The following ZNF462 variants were observed in gnomAD, a reference collection of about 807,000 sequenced individuals.
The protein encoded by ZNF462 is zinc finger PBX1-interacting protein.
A neutral mutation model predicts 201.9 loss-of-function variants in ZNF462; 10 were observed. That is an observed-to-expected ratio of 0.05 (90% CI 0.03 to 0.08). The LOEUF is 0.08. Ranked by LOEUF, ZNF462 falls within the 10% of genes least tolerant of loss-of-function variation. ZNF462 has a pLI of 1.00. For missense variants in ZNF462, 2,523 were observed against 3,168.3 expected, an observed-to-expected ratio of 0.80 and a Z score of 4.89; for synonymous variants, 1,227 against 1,193.3, an observed-to-expected ratio of 1.03 and a Z score of -0.58.
intron 4 of ZNF462, among the ~76,000 whole-genome samples, chr9:106,931,398 G>A (rs1312169642): frequency 6.6e-6 from 1 of 152,194 alleles, no homozygotes; most frequent in Non-Finnish European, 1.5e-5. Context: ...TATTAAAACA[G>A]AAGTCATTTT....
At chr9:106,896,246 C>T (rs751602800) in intron 1 of ZNF462, among the ~76,000 whole-genome samples, 59 of 152,168 alleles carry the variant, frequency 3.9e-4, no homozygotes, top group Non-Finnish European at 7.1e-4. Flanking sequence ...ATACTAGCTA[C>T]GTAGTAGGCA....
At chr9:106,934,772 T>G (rs1234241179) in intron 5 of ZNF462, among the ~76,000 whole-genome samples, 1 of 152,206 alleles carries the variant, frequency 6.6e-6, no homozygotes, top group African/African-American at 2.4e-5. Flanking sequence ...TTTGGTAGAT[T>G]TATTATTTTT....
At chr9:106,973,284 G>A (rs112000036) in intron 8 of ZNF462, among the ~76,000 whole-genome samples, 3,413 of 152,184 alleles carry the variant, frequency 0.022, 43 homozygotes, top group African/African-American at 0.035. Flanking sequence ...CCGAGAGGCT[G>A]TGGAAATTAG....
At position 106,919,688 on chromosome 9, in the gene ZNF462, A is replaced by G. The variant is rs1365905859; in HGVS notation, c.-30-3666A>G. ...TAAGTAGTACTAAAGGCAGTGACTA[A>G]TTAGGATGGTTTAGGGGTTTCATGT... is the stretch of plus-strand genomic sequence containing the variant. On this transcript the variant is annotated intron_variant, in intron 1 of 12. Coordinates refer to ENST00000277225, the MANE Select transcript of ZNF462 (RefSeq NM_021224.6). This position sits in a 1 kb window ranked among gnomAD's most constrained non-coding sequence, Gnocchi z 4.5. 6.6e-6 allele frequency among the ~76,000 whole-genome samples: 1 copy of G among 152,230 alleles called. No homozygotes were observed. The highest frequency in any genetic ancestry group is 1.5e-5 in the Non-Finnish European group (1 of 68,034).
rs754650076 is a variant in ZNF462, at chr9:106,926,779, C to G, written c.2867C>G (p.Ala956Gly). 1 of 1,614,102 alleles carries G rather than the reference C, an allele frequency of 6.2e-7. No homozygotes were observed. The highest frequency in any genetic ancestry group is 8.5e-7 in the Non-Finnish European group (1 of 1,180,034). ...RMHPTVKINN[A>G]MIFSSYVVEQ... Reference sequence around the variant, plus strand: ...CATCCCACGGTGAAGATCAACAACGCGATGATATTTTCAAGCTATGTCGTG... The same window carrying G: ...CATCCCACGGTGAAGATCAACAACGGGATGATATTTTCAAGCTATGTCGTG... Residue 956 changes from alanine to glycine, a missense_variant, in exon 3 of 13, where the codon GCG becomes GGG. This residue lies in a region of ZNF462 where 280 missense variants were observed against 321.3 expected (regional missense o/e 0.87). Transcript: ENST00000277225. This position sits in a 1 kb window ranked among gnomAD's most constrained non-coding sequence, Gnocchi z 7.9.
In ZNF462 at chr9:107,006,364, A is replaced by G. The variant is rs1771420304; in HGVS notation, c.7189+2938A>G. On this transcript the variant is annotated intron_variant, in intron 11 of 12. Coordinates refer to ENST00000277225, the MANE Select transcript of ZNF462 (RefSeq NM_021224.6). The surrounding 1 kb of genome is among the most constrained non-coding windows in gnomAD (Gnocchi z 4.3). ...AAGTAAAAAACAAAACAAACAAACA[A>G]ACAACAACAAAAAATATAAACCCTG... is the stretch of plus-strand genomic sequence containing the variant. 6.6e-6 allele frequency among the ~76,000 whole-genome samples: 1 copy of G among 152,168 alleles called. No individual in the cohort carries two copies. Among genetic ancestry groups the G allele is most frequent in the African/African-American group, 2.4e-5 (1 of 41,426 alleles).
chr9:106,907,224 A>G (rs1246820158), intron 1 of ZNF462, among the ~76,000 whole-genome samples: 3 of 151,884 alleles, frequency 2.0e-5, no homozygotes, highest in African/African-American at 4.8e-5. Flanking sequence ...TCTAAGTGAC[A>G]TTTTTCTGCT....
chr9:106,901,079 TCCAGTTTCATTCTCCTACAAGTGGCTAA>T (rs1438919274), intron 1 of ZNF462, among the ~76,000 whole-genome samples: 1 of 152,176 alleles, frequency 6.6e-6, no homozygotes, highest in Non-Finnish European at 1.5e-5. Flanking sequence ...TAAGAGATGA[TCCAGTTTCATTCTCCTACAAGTGGCTAA>T]CCAGTTATCC....
rs530880330 is a variant in ZNF462, at chr9:107,009,233, T to A, written c.7190-312T>A. 3.2e-4 allele frequency: 105 copies of A among 326,626 alleles called. No individual in the cohort carries two copies. The highest frequency in any genetic ancestry group is 1.9e-3 in the African/African-American group (90 of 48,080). The allele number at this position is 326,626 out of a possible 1,614,324, so 20.2% of individuals were successfully genotyped here. A position where few individuals can be genotyped will look rare whatever the true frequency, so the allele number is the denominator to read the frequency against. On this transcript the variant is annotated intron_variant, in intron 11 of 12. Coordinates refer to ENST00000277225, the MANE Select transcript of ZNF462 (RefSeq NM_021224.6). This position sits in a 1 kb window ranked among gnomAD's most constrained non-coding sequence, Gnocchi z 6.1. ...AAGGGAGAGAATAAATCGGAAAAAA[T>A]AATGCTCAGATTCCTTTGGAATCTC... is the stretch of plus-strand genomic sequence containing the variant.
chr9:106,957,816 G>A (rs563651783), intron 7 of ZNF462, among the ~76,000 whole-genome samples: 1 of 152,110 alleles, frequency 6.6e-6, no homozygotes, highest in Non-Finnish European at 1.5e-5. Context: ...ATAGAGCAAA[G>A]GGTGGCTGAT....
chr9:106,941,382 T>C (rs1830863210), intron 7 of ZNF462, among the ~76,000 whole-genome samples: 1 of 152,190 alleles, frequency 6.6e-6, no homozygotes. Flanking sequence ...TTCAGATTCT[T>C]GGAGGATGGA....
chr9:106,898,381 G>A (rs1050257709), intron 1 of ZNF462, among the ~76,000 whole-genome samples: 5 of 152,140 alleles, frequency 3.3e-5, no homozygotes, highest in African/African-American at 1.2e-4. Context: ...TAGAGAAAGT[G>A]GTACTCAATT....
At position 106,929,072 on chromosome 9, in the gene ZNF462, C is replaced by T. The variant is rs375815482; in HGVS notation, c.5160C>T (p.His1720=). The change falls in exon 3 of 13, where the codon CAC becomes CAT. Residue 1720 remains histidine, a synonymous_variant. Transcript: ENST00000277225. The surrounding 1 kb of genome is among the most constrained non-coding windows in gnomAD (Gnocchi z 8.7). ...KGLAAHYQKR[H]DIDAYYTHCL... ...TGGCAGCCCACTACCAGAAGCGCCA[C>T]GACATTGATGCGTATTACACTCACT... The T allele has an allele frequency of 4.2e-5, 67 of 1,614,124 alleles. No individual in the cohort carries two copies. In the East Asian group the frequency reaches 6.2e-4, roughly 15 times the overall value.
intron 1 of ZNF462, among the ~76,000 whole-genome samples, chr9:106,892,192 A>G (rs1828608204): frequency 6.6e-6 from 1 of 152,196 alleles, no homozygotes; most frequent in African/African-American, 2.4e-5. Context: ...TAGAGTTTTA[A>G]TAACTACAGC....
chr9:106,999,743 G>A (rs1829039224), intron 10 of ZNF462, among the ~76,000 whole-genome samples: 1 of 152,140 alleles, frequency 6.6e-6, no homozygotes, highest in Admixed American at 6.6e-5. Context: ...GACTTTAAAT[G>A]AGTTTTTCTT....
intron 1 of ZNF462, among the ~76,000 whole-genome samples, chr9:106,878,752 C>T (rs879482874): frequency 8.5e-5 from 13 of 152,292 alleles, no homozygotes; most frequent in African/African-American, 2.6e-4. Context: ...TTCATTTCTA[C>T]GTCTTTGTGT....
At chr9:106,867,689 G>A (rs1156817688) in intron 1 of ZNF462, among the ~76,000 whole-genome samples, 1 of 152,136 alleles carries the variant, frequency 6.6e-6, no homozygotes, top group Non-Finnish European at 1.5e-5. Flanking sequence ...CGGTTTTCCT[G>A]AAAGAAAGGA....
At chr9:106,952,768 T>C (rs1831408463) in intron 7 of ZNF462, among the ~76,000 whole-genome samples, 1 of 152,258 alleles carries the variant, frequency 6.6e-6, no homozygotes, top group Non-Finnish European at 1.5e-5. Flanking sequence ...GAGTACTTTG[T>C]AAACATTGTT....
chr9:106,879,332 ACC>A lies in ZNF462; in HGVS notation c.-31+15987_-31+15988del, dbSNP rs796290122. ...CAGGAAGCCTAGAGAGATGCTTTCC[ACC>A]CCCCCCCCCACCCCCCACCTTGTCT... is the stretch of plus-strand genomic sequence containing the variant. On this transcript the variant is annotated intron_variant, in intron 1 of 12. Coordinates refer to ENST00000277225, the MANE Select transcript of ZNF462 (RefSeq NM_021224.6). 1.4e-3 allele frequency among the ~76,000 whole-genome samples: 97 copies of A among 70,698 alleles called. 1 individual carries two copies. The highest frequency in any genetic ancestry group is 2.2e-3 in the Non-Finnish European group (81 of 36,354). The allele number at this position is 70,698 out of a possible 152,430, so 46.4% of individuals were successfully genotyped here.
Sources: allele counts gnomAD v4.1 joint callset (sites outside exome capture counted in the v4.1 genomes callset), GRCh38; gene constraint gnomAD v4.1.1; regional missense constraint gnomAD v4.1.1; non-coding constraint Gnocchi (gnomAD v3.1); transcripts MANE v1.5; gene names NCBI Gene and HGNC (gene_info 2026-07-23, HGNC 2026-07-21).